RASGRP4: variants seen among roughly 807,000 people sequenced by gnomAD.
RASGRP4 encodes RAS guanyl-releasing protein 4.
Under a neutral mutation model 84.4 loss-of-function variants are expected in RASGRP4, and 52 were observed. The ratio of observed to expected loss-of-function variants is 0.62; its 90% confidence interval spans 0.49 to 0.78. The LOEUF (loss-of-function observed/expected upper bound fraction) is 0.78, where lower values mean the gene tolerates loss of function less well. Among genes scored for constraint, RASGRP4 ranks in the 30% least tolerant of loss-of-function variants. The probability of loss-of-function intolerance (pLI) is 0.00; values close to 1 mark genes in which losing one functional copy is unlikely to be tolerated. For synonymous variants in RASGRP4, 356 were observed against 359.1 expected (o/e 0.99, Z 0.10); for missense variants, 760 against 886.9 (o/e 0.86, Z 1.82).
chr19:38,415,083 T>A lies in RASGRP4; in HGVS notation c.995A>T (p.Asn332Ile). Reference sequence around the variant, plus strand: ...CCAGGTGCGGCGGTAGCGGGCGTAGTTGTTGTGGGAGGCAAGGAGCTCAGT... The same window carrying A: ...CCAGGTGCGGCGGTAGCGGGCGTAGATGTTGTGGGAGGCAAGGAGCTCAGT... Reference protein sequence around the residue: ...ELTELLASHNNYARYRRTWAG... With the variant: ...ELTELLASHNIYARYRRTWAG... Residue 332 changes from asparagine (N) to isoleucine (I), a missense_variant, in exon 9 of 17, where the codon AAC becomes ATC. Transcript: ENST00000615439. The A allele has an allele frequency of 6.2e-7, 1 of 1,601,124 alleles. No homozygotes were observed. Among genetic ancestry groups the A allele is most frequent in the Non-Finnish European group, 8.5e-7 (1 of 1,173,982 alleles).
Position 38,418,533 on chromosome 19 carries a change from C to A in RASGRP4, c.695G>T (p.Gly232Val). 1 of 1,542,478 alleles carries A rather than the reference C, an allele frequency of 6.5e-7. No homozygotes were observed. Among genetic ancestry groups the A allele is most frequent in the Admixed American group, 2.0e-5 (1 of 49,542 alleles). Residue 232 changes from glycine to valine, a missense_variant, in exon 7 of 17, where the codon GGC (glycine) becomes GTC (valine). Coordinates refer to ENST00000615439, the MANE Select transcript of RASGRP4 (RefSeq NM_170604.3). This position sits in a 1 kb window ranked among gnomAD's most constrained non-coding sequence, Gnocchi z 4.6. ...PQDLRSYVLQGSVRGCPALEG... is the reference protein window; with the variant it reads ...PQDLRSYVLQVSVRGCPALEG... The stretch of plus-strand genomic sequence containing the variant: ...CAGGGCCGGGCAGCCTCGTACTGAG[C>A]CCTGCAAAACGTAGCTCCGCAGGTC...
intron 4 of RASGRP4, 137 bp from the exon 5 acceptor site, chr19:38,420,399 G>A: frequency 1.1e-6 from 1 of 881,798 alleles, no homozygotes; most frequent in Non-Finnish European, 1.7e-6. Context: ...GAGGGTTGGG[G>A]TTTGGAGGGG....
In RASGRP4 at chr19:38,417,996, G is replaced by C. The variant is rs980685727; in HGVS notation, c.837+395C>G. On this transcript the variant is annotated intron_variant, in intron 7 of 16. Transcript: ENST00000615439. The surrounding 1 kb of genome is among the most constrained non-coding windows in gnomAD (Gnocchi z 5.1). ...AACACAATGGGGCGGGGCGGGGAGA[G>C]CCCGGACGCAATGGGGAGCGATGCA... 6.6e-6 allele frequency among the ~76,000 whole-genome samples: 1 copy of C among 150,546 alleles called. No homozygotes were observed. The highest frequency in any genetic ancestry group is 2.0e-4 in the East Asian group (1 of 5,068).
Position 38,410,005 on chromosome 19 carries a change from G to A in RASGRP4, c.*35C>T, listed in dbSNP as rs763239978. 3.2e-6 allele frequency: 5 copies of A among 1,578,274 alleles called. No homozygotes were observed. Among genetic ancestry groups the A allele is most frequent in the Non-Finnish European group, 4.3e-6 (5 of 1,154,024 alleles). On this transcript the variant is annotated 3_prime_UTR_variant, in exon 17 of 17. Coordinates refer to ENST00000615439, the MANE Select transcript of RASGRP4 (RefSeq NM_170604.3). ...CGGCAGGACTCAGGACTGACTGGGGGAAGGGAGTGAGGAAGAGAGGAGACC... is the reference window on the plus strand; with the variant it reads ...CGGCAGGACTCAGGACTGACTGGGGAAAGGGAGTGAGGAAGAGAGGAGACC...
intron 15 of RASGRP4, 47 bp downstream of exon 15, chr19:38,411,068 C>T (rs779626057): frequency 6.2e-7 from 1 of 1,609,486 alleles, no homozygotes; most frequent in Non-Finnish European, 8.5e-7. Flanking sequence ...GGACTCAACC[C>T]CTTTCCCCCA....
At chr19:38,424,926 C>A (rs911914721) in intron 1 of RASGRP4, among the ~76,000 whole-genome samples, 3 of 151,884 alleles carry the variant, frequency 2.0e-5, no homozygotes, top group African/African-American at 7.2e-5. Context: ...TGGCTCATGC[C>A]TCTAATCCCA....
intron 16 of RASGRP4, among the ~76,000 whole-genome samples, chr19:38,410,601 T>C (rs994157145): frequency 1.3e-5 from 2 of 151,850 alleles, no homozygotes; most frequent in Non-Finnish European, 2.9e-5. Context: ...TTAGTAGAGA[T>C]AGGGTTTTAT....
chr19:38,425,593 C>G (rs781534700), intron 1 of RASGRP4, among the ~76,000 whole-genome samples: 2 of 152,150 alleles, frequency 1.3e-5, no homozygotes, highest in Non-Finnish European at 2.9e-5. Flanking sequence ...AAGCCCATTC[C>G]AGAACCGGCC....
intron 2 of RASGRP4, among the ~76,000 whole-genome samples, chr19:38,421,539 C>T (rs1346906819): frequency 2.0e-5 from 3 of 152,024 alleles, no homozygotes; most frequent in Non-Finnish European, 4.4e-5. Context: ...TGGTGAAACA[C>T]CGTTTCTACT....
In RASGRP4 at chr19:38,418,299, C is replaced by A. The variant is rs2145221058; in HGVS notation, c.837+92G>T. The A allele has an allele frequency of 7.4e-7, 1 of 1,359,160 alleles. No individual in the cohort carries two copies. The highest frequency in any genetic ancestry group is 2.5e-5 in the East Asian group (1 of 39,668). 84.2% of individuals were successfully genotyped at this position (1,359,160 alleles called of 1,614,324 possible). A position where few individuals can be genotyped will look rare whatever the true frequency, so the allele number is the denominator to read the frequency against. ...GGCCGGGAGATGCGTGACGTCACCGCCGGGATGACCCTGTGGGGTCGAGGG... is the reference window on the plus strand; with the variant it reads ...GGCCGGGAGATGCGTGACGTCACCGACGGGATGACCCTGTGGGGTCGAGGG... On this transcript the variant is annotated intron_variant, in intron 7 of 16. Transcript: ENST00000615439. This position sits in a 1 kb window ranked among gnomAD's most constrained non-coding sequence, Gnocchi z 4.6.
chr19:38,412,906 G>A lies in RASGRP4; in HGVS notation c.1535+25C>T. The A allele has an allele frequency of 6.2e-7, 1 of 1,613,540 alleles. No homozygotes were observed. The highest frequency in any genetic ancestry group is 1.1e-5 in the South Asian group (1 of 91,076). On this transcript the variant is annotated intron_variant, in intron 12 of 16. Coordinates refer to ENST00000615439, the MANE Select transcript of RASGRP4 (RefSeq NM_170604.3). The surrounding 1 kb of genome is among the most constrained non-coding windows in gnomAD (Gnocchi z 4.6). The stretch of plus-strand genomic sequence containing the variant: ...CAACCCCAGTGTCCTCATCTTCGGA[G>A]GATCCAGGAGTCACAACCACTTACC...
chr19:38,419,730 G>C (rs1265439140), intron 6 of RASGRP4, 130 bp downstream of exon 6: 3 of 947,622 alleles, frequency 3.2e-6, no homozygotes, highest in Non-Finnish European at 4.7e-6. Context: ...ATACAGGTTT[G>C]AGTTTAAGAC....
chr19:38,425,603 C>T (rs896987687), intron 1 of RASGRP4, among the ~76,000 whole-genome samples: 1 of 152,136 alleles, frequency 6.6e-6, no homozygotes, highest in South Asian at 2.1e-4. Context: ...CAGAACCGGC[C>T]GCACAGCCAG....
chr19:38,412,612 G>T lies in RASGRP4; in HGVS notation c.1680+60C>A. On this transcript the variant is annotated intron_variant, in intron 13 of 16. Coordinates refer to ENST00000615439, the MANE Select transcript of RASGRP4 (RefSeq NM_170604.3). This position sits in a 1 kb window ranked among gnomAD's most constrained non-coding sequence, Gnocchi z 4.6. The stretch of plus-strand genomic sequence containing the variant: ...GGAATTTGGGGGTTATCTGGGGTTT[G>T]CGGACTGCCGGCTTCAGGACAGATG... 6.5e-7 allele frequency: 1 copy of T among 1,537,926 alleles called. No individual in the cohort carries two copies. The highest frequency in any genetic ancestry group is 8.8e-7 in the Non-Finnish European group (1 of 1,134,534).
At chr19:38,410,601 T>G (rs994157145) in intron 16 of RASGRP4, among the ~76,000 whole-genome samples, 1 of 151,850 alleles carries the variant, frequency 6.6e-6, no homozygotes, top group Non-Finnish European at 1.5e-5. Context: ...TTAGTAGAGA[T>G]AGGGTTTTAT....
chr19:38,425,200 A>AC (rs201694816), intron 1 of RASGRP4, among the ~76,000 whole-genome samples: 2,053 of 151,790 alleles, frequency 0.014, 37 homozygotes, highest in African/African-American at 0.046. Context: ...AAAAAACAAA[A>AC]AAAAAAAAAC....
At chr19:38,410,457 G>A (rs1971188612) in intron 16 of RASGRP4, among the ~76,000 whole-genome samples, 1 of 145,742 alleles carries the variant, frequency 6.9e-6, no homozygotes, top group Admixed American at 6.9e-5. Flanking sequence ...CTGTCACCTA[G>A]GCTGGTGTGC....
At chr19:38,415,794 C>T (rs999213561) in intron 8 of RASGRP4, among the ~76,000 whole-genome samples, 1 of 151,740 alleles carries the variant, frequency 6.6e-6, no homozygotes, top group Non-Finnish European at 1.5e-5. Flanking sequence ...CACGGTGGCT[C>T]ACACCTGTAA....
At chr19:38,410,372 T>C (rs1281293108) in intron 16 of RASGRP4, among the ~76,000 whole-genome samples, 1 of 152,036 alleles carries the variant, frequency 6.6e-6, no homozygotes. Context: ...CTAGTGGTTA[T>C]TGTCCCCACC....
Sources: gnomAD v4.1 joint callset for allele counts (sites outside exome capture counted in the v4.1 genomes callset) on GRCh38, gnomAD v4.1.1 for gene constraint, Gnocchi (gnomAD v3.1) non-coding constraint, MANE v1.5 for transcripts, NCBI Gene and HGNC (gene_info 2026-07-23, HGNC 2026-07-21) for gene names.